The following PPHLN1 variants were observed in gnomAD, a reference collection of about 807,000 sequenced individuals.
PPHLN1 encodes periphilin-1.
In PPHLN1, 29 loss-of-function variants were observed where a neutral mutation model predicts 51.3. The observed-to-expected ratio is 0.57, with a 90% CI of 0.42 to 0.77. The LOEUF (loss-of-function observed/expected upper bound fraction) is 0.77, where lower values mean the gene tolerates loss of function less well. Among genes scored for constraint, PPHLN1 ranks in the 30% least tolerant of loss-of-function variants. The probability of loss-of-function intolerance (pLI) is 0.00; values close to 1 mark genes in which losing one functional copy is unlikely to be tolerated. For synonymous variants in PPHLN1, 147 were observed against 147.8 expected (o/e 0.99, Z 0.04); for missense variants, 436 against 438.4 (o/e 0.99, Z 0.05).
intron 9 of PPHLN1, among the ~76,000 whole-genome samples, chr12:42,426,172 CCACACACACACACACACACACA>C (rs71084653): frequency 1.4e-3 from 175 of 122,178 alleles, no homozygotes; most frequent in Admixed American, 2.0e-3. Context: ...AGACTTGACA[CCACACACACACACACACACACA>C]CACACACACA....
chr12:42,419,494 A>G (rs1592891395), intron 9 of PPHLN1, among the ~76,000 whole-genome samples: 1 of 152,194 alleles, frequency 6.6e-6, no homozygotes, highest in Non-Finnish European at 1.5e-5. Flanking sequence ...TCAGCTTCCC[A>G]GAGTGCTGGG....
Position 42,360,730 on chromosome 12 carries a change from T to C in PPHLN1, c.299+5508T>C, listed in dbSNP as rs546898064. 2.6e-5 allele frequency among the ~76,000 whole-genome samples: 4 copies of C among 152,196 alleles called. No individual in the cohort carries two copies. The East Asian group carries it at 7.7e-4, about 29-fold the overall frequency. ...GGCTGCTCTTGAACTCCTAACCTCG[T>C]GATCTGCCCACCTTGGCCTCCCAAA... On this transcript the variant is annotated intron_variant, in intron 4 of 9. Coordinates refer to ENST00000358314, the MANE Select transcript of PPHLN1 (RefSeq NM_201439.2).
At chr12:42,342,653 A>C (rs969565348) in intron 2 of PPHLN1, among the ~76,000 whole-genome samples, 1 of 152,216 alleles carries the variant, frequency 6.6e-6, no homozygotes, top group African/African-American at 2.4e-5. Flanking sequence ...GGGCAATTAC[A>C]ACAGAGCTGG....
Position 42,352,601 on chromosome 12 carries a change from G to A in PPHLN1, c.237+552G>A, listed in dbSNP as rs138528631. Among the ~76,000 whole-genome samples, 419 of 151,568 alleles carry A rather than the reference G, an allele frequency of 2.8e-3. 1 individual carries two copies. The highest frequency in any genetic ancestry group is 9.6e-3 in the African/African-American group (395 of 41,354). On this transcript the variant is annotated intron_variant, in intron 3 of 9. Coordinates refer to ENST00000358314, the MANE Select transcript of PPHLN1 (RefSeq NM_201439.2). The stretch of plus-strand genomic sequence containing the variant: ...ATTTTTGTGTTTTCAGTAGAGACAG[G>A]GTTTCACCATGTTGGCCAGGCTGGT...
At chr12:42,359,847 C>T (rs2074427461) in intron 4 of PPHLN1, among the ~76,000 whole-genome samples, 2 of 152,048 alleles carry the variant, frequency 1.3e-5, no homozygotes, top group Non-Finnish European at 2.9e-5. Context: ...ATGGCTCACG[C>T]CTGTAATCCC....
At chr12:42,399,939 T>TA in intron 9 of PPHLN1, 1 of 152,274 alleles carries the variant, frequency 6.6e-6, no homozygotes. Context: ...CCTTTCAAGA[T>TA]ACCAATTAAA....
chr12:42,444,910 A>G (rs937785521), downstream of PPHLN1: 2 of 601,596 alleles, frequency 3.3e-6, no homozygotes, highest in South Asian at 2.0e-5. Flanking sequence ...TGGAAACCAC[A>G]TAACTCCCTC....
intron 5 of PPHLN1, among the ~76,000 whole-genome samples, chr12:42,378,468 C>T (rs1160523294): frequency 6.6e-6 from 1 of 151,838 alleles, no homozygotes; most frequent in Non-Finnish European, 1.5e-5. Flanking sequence ...ACTTATCAGT[C>T]ACTTAAGCTG....
intron 7 of PPHLN1, among the ~76,000 whole-genome samples, chr12:42,391,932 C>CT: frequency 6.6e-6 from 1 of 152,220 alleles, no homozygotes; most frequent in South Asian, 2.1e-4. Flanking sequence ...AAAAAAATGT[C>CT]TAAGCCAGGC....
At chr12:42,331,445 C>T (rs2069718642) in intron 1 of PPHLN1, among the ~76,000 whole-genome samples, 1 of 152,168 alleles carries the variant, frequency 6.6e-6, no homozygotes, top group Non-Finnish European at 1.5e-5. Context: ...TTCTCAATTT[C>T]CATGACACTT....
At chr12:42,448,303 T>C (rs2083384629), downstream of PPHLN1, 1 of 152,618 alleles carries the variant, frequency 6.6e-6, no homozygotes, top group African/African-American at 2.4e-5. Context: ...TAAAGCTGTT[T>C]ATGGCTTGCC....
intron 9 of PPHLN1, chr12:42,400,467 C>CAAAA (rs34462402): frequency 0.017 from 1,631 of 95,152 alleles, 45 homozygotes; most frequent in East Asian, 0.097. Context: ...GACTCCGTCT[C>CAAAA]AAAAAAAAAA....
Position 42,396,301 on chromosome 12 carries a change from A to G in PPHLN1, c.769-2553A>G, listed in dbSNP as rs1444817469. Among the ~76,000 whole-genome samples, 6 of 143,896 alleles carry G rather than the reference A, an allele frequency of 4.2e-5. No homozygotes were observed. The East Asian group carries it at 1.2e-3, about 29-fold the overall frequency. The allele number at this position is 143,896 out of a possible 152,430, so 94.4% of individuals were successfully genotyped here. Reference sequence around the variant, plus strand: ...TTTCAGGATTAGTGTTTTAAGGCACACTTAAAAAATACTGTACTAGTTTTC... The same window carrying G: ...TTTCAGGATTAGTGTTTTAAGGCACGCTTAAAAAATACTGTACTAGTTTTC... On this transcript the variant is annotated intron_variant, in intron 8 of 9. Coordinates refer to ENST00000358314, the MANE Select transcript of PPHLN1 (RefSeq NM_201439.2).
chr12:42,427,425 T>C (rs1467577578), intron 9 of PPHLN1, among the ~76,000 whole-genome samples: 1 of 152,144 alleles, frequency 6.6e-6, no homozygotes, highest in Non-Finnish European at 1.5e-5. Flanking sequence ...AACAAGCACA[T>C]AGATCAATGG....
chr12:42,416,227 C>T (rs552400349), intron 9 of PPHLN1, among the ~76,000 whole-genome samples: 2 of 152,198 alleles, frequency 1.3e-5, no homozygotes, highest in Non-Finnish European at 2.9e-5. Context: ...ACTTCCCAGT[C>T]ACAGCATTTA....
At chr12:42,348,503 G>C (rs1162498564) in intron 2 of PPHLN1, among the ~76,000 whole-genome samples, 1 of 151,968 alleles carries the variant, frequency 6.6e-6, no homozygotes, top group Non-Finnish European at 1.5e-5. Context: ...AGTGTGATTT[G>C]AATTTTACTT....
chr12:42,353,414 A>C (rs1214204962), intron 3 of PPHLN1, among the ~76,000 whole-genome samples: 2 of 152,202 alleles, frequency 1.3e-5, no homozygotes, highest in African/African-American at 2.4e-5. Flanking sequence ...AAATGGAGGT[A>C]AGGTGATTTA....
intron 1 of PPHLN1, among the ~76,000 whole-genome samples, chr12:42,334,116 A>G (rs1002736264): frequency 8.5e-5 from 13 of 152,154 alleles, no homozygotes; most frequent in Admixed American, 4.6e-4. Flanking sequence ...CCTTTAGTGG[A>G]TTCAGTAAAG....
At position 42,387,594 on chromosome 12, in the gene PPHLN1, A is replaced by G. The variant is rs1458316875; in HGVS notation, c.648+59A>G. The G allele has an allele frequency of 4.5e-6, 7 of 1,556,720 alleles. No individual in the cohort carries two copies. Among genetic ancestry groups the G allele is most frequent in the Non-Finnish European group, 6.1e-6 (7 of 1,153,994 alleles). On this transcript the variant is annotated intron_variant, in intron 7 of 9. Transcript: ENST00000358314. ...AATTACAAATTGAGATGGACTGACT[A>G]GTACAGATGCTTTTATTCTTTACTG...
Sources: allele counts gnomAD v4.1 joint callset (sites outside exome capture counted in the v4.1 genomes callset), GRCh38; gene constraint gnomAD v4.1.1; transcripts MANE v1.5; gene names NCBI Gene and HGNC (gene_info 2026-07-23, HGNC 2026-07-21).